The following PDE10A variants were observed in gnomAD, a reference collection of about 807,000 sequenced individuals.
PDE10A encodes phosphodiesterase 10A.
A neutral mutation model predicts 97.7 loss-of-function variants in PDE10A; 39 were observed. The ratio of observed to expected loss-of-function variants is 0.40; its 90% CI spans 0.31 to 0.52. The LOEUF (loss-of-function observed/expected upper bound fraction) is 0.52, where lower values mean the gene tolerates loss of function less well. Ranked by LOEUF, PDE10A falls within the 20% of genes least tolerant of loss-of-function variation. The probability of loss-of-function intolerance (pLI) is 0.56; values close to 1 mark genes in which losing one functional copy is unlikely to be tolerated. For missense variants in PDE10A, 731 were observed against 1,047.8 expected (o/e 0.70, Z 4.17); for synonymous variants, 371 against 376.8 (o/e 0.98, Z 0.18).
intron 18 of PDE10A, among the ~76,000 whole-genome samples, chr6:165,371,946 C>T (rs1784284569): frequency 1.3e-5 from 2 of 151,572 alleles, no homozygotes; most frequent in African/African-American, 4.9e-5. Flanking sequence ...TAAATGTAAT[C>T]CAGCATATAA....
chr6:165,527,496 G>A (rs1782516868), intron 2 of PDE10A, among the ~76,000 whole-genome samples: 1 of 152,130 alleles, frequency 6.6e-6, no homozygotes, highest in African/African-American at 2.4e-5. Context: ...TTGGAGCAAG[G>A]CCCTGCCATC....
At chr6:165,600,313 G>T (rs929863208) in intron 1 of PDE10A, among the ~76,000 whole-genome samples, 3 of 152,184 alleles carry the variant, frequency 2.0e-5, no homozygotes, top group Non-Finnish European at 1.5e-5. Flanking sequence ...GCCAGGGCAG[G>T]GCTCTGAAGG....
At position 165,931,025 on chromosome 6, in the gene PDE10A, G is replaced by A. The variant is rs574414983; in HGVS notation, c.-615+56504C>T. 1.7e-3 allele frequency among the ~76,000 whole-genome samples: 258 copies of A among 152,346 alleles called. 1 individual carries two copies. Among genetic ancestry groups the A allele is most frequent in the African/African-American group, 6.0e-3 (249 of 41,582 alleles). ...CGATGCCTGTTAGGAACCTTCTCATGCCCCTGCACCTCTGCGATATCAGAT... is the reference window on the plus strand; with the variant it reads ...CGATGCCTGTTAGGAACCTTCTCATACCCCTGCACCTCTGCGATATCAGAT... On this transcript the variant is annotated intron_variant, in intron 1 of 19. Coordinates refer to the PDE10A transcript ENST00000366882.
upstream of PDE10A, chr6:165,987,966 TGTGTGCGTGC>T (rs1311723044): frequency 5.2e-6 from 2 of 384,948 alleles, no homozygotes; most frequent in Non-Finnish European, 1.0e-5. Context: ...TGAGTGCTTG[TGTGTGCGTGC>T]GTGTGTGTGT....
chr6:165,412,834 C>T (rs1787982269), intron 13 of PDE10A, among the ~76,000 whole-genome samples: 1 of 152,088 alleles, frequency 6.6e-6, no homozygotes, highest in South Asian at 2.1e-4. Context: ...AAAATTTTCC[C>T]TAACCTCAGA....
At chr6:165,944,223 T>A (rs545385355) in intron 1 of PDE10A, among the ~76,000 whole-genome samples, 5 of 152,308 alleles carry the variant, frequency 3.3e-5, no homozygotes, top group Non-Finnish European at 7.4e-5. Context: ...ATAATTCAAT[T>A]ACCTCTCACT....
At chr6:165,443,260 G>A (rs902759668) in intron 5 of PDE10A, among the ~76,000 whole-genome samples, 1 of 152,046 alleles carries the variant, frequency 6.6e-6, no homozygotes, top group African/African-American at 2.4e-5. Flanking sequence ...ATTCCAAAAG[G>A]AAGAAACTGG....
At chr6:165,919,569 T>C (rs1441708191) in intron 1 of PDE10A, among the ~76,000 whole-genome samples, 1 of 152,244 alleles carries the variant, frequency 6.6e-6, no homozygotes, top group Non-Finnish European at 1.5e-5. Flanking sequence ...ATCCTCCTTC[T>C]TGTTCTTGCT....
chr6:165,346,500 G>A (rs114111767), intron 18 of PDE10A, among the ~76,000 whole-genome samples: 5 of 152,166 alleles, frequency 3.3e-5, no homozygotes, highest in African/African-American at 1.2e-4. Flanking sequence ...TATCACAGGG[G>A]TGCAGATATT....
At chr6:165,401,721 C>T (rs1786679491) in intron 13 of PDE10A, among the ~76,000 whole-genome samples, 1 of 152,074 alleles carries the variant, frequency 6.6e-6, no homozygotes, top group East Asian at 1.9e-4. Context: ...TGCGCAAGGC[C>T]CACTCTGTGA....
chr6:165,653,521 G>A (rs1394358184), intron 1 of PDE10A, among the ~76,000 whole-genome samples: 3 of 152,178 alleles, frequency 2.0e-5, no homozygotes, highest in African/African-American at 7.2e-5. Flanking sequence ...GAAGTGGAGA[G>A]AGACAGAGCA....
chr6:165,405,752 G>A (rs1017428157), intron 13 of PDE10A, among the ~76,000 whole-genome samples: 8 of 152,168 alleles, frequency 5.3e-5, no homozygotes, highest in Admixed American at 1.3e-4. Context: ...CACACATTGA[G>A]AACTCAAAAA....
intron 1 of PDE10A, among the ~76,000 whole-genome samples, chr6:165,587,986 C>T (rs776611729): frequency 5.3e-5 from 8 of 152,190 alleles, no homozygotes; most frequent in Non-Finnish European, 8.8e-5. Flanking sequence ...TTTGTTACCA[C>T]TCCAATAAAA....
intron 17 of PDE10A, among the ~76,000 whole-genome samples, chr6:165,382,704 A>AT (rs1471337031): frequency 1.0e-4 from 15 of 150,174 alleles, no homozygotes; most frequent in Non-Finnish European, 4.4e-5. Context: ...TACCCAATAC[A>AT]TGATAAAACG....
chr6:165,695,107 A>C (rs1430799770), intron 1 of PDE10A, among the ~76,000 whole-genome samples: 3 of 152,126 alleles, frequency 2.0e-5, no homozygotes, highest in Admixed American at 2.0e-4. Context: ...AAGACAAACA[A>C]TATGCATAAT....
At chr6:165,821,104 T>G (rs951051505) in intron 1 of PDE10A, among the ~76,000 whole-genome samples, 1 of 152,178 alleles carries the variant, frequency 6.6e-6, no homozygotes. Context: ...CAGCTAATAC[T>G]GTTGAGCAAA....
chr6:165,428,928 A>G (rs1377143328), intron 9 of PDE10A, among the ~76,000 whole-genome samples: 1 of 152,088 alleles, frequency 6.6e-6, no homozygotes, highest in East Asian at 1.9e-4. Flanking sequence ...TGAGGGCTCT[A>G]TAATTCCAGA....
intron 1 of PDE10A, chr6:165,774,831 CTTTTTTTTTTTTTTT>C (rs5881660): frequency 1.9e-5 from 2 of 107,886 alleles, no homozygotes; most frequent in Admixed American, 1.0e-4. Context: ...ACTTTTTTTT[CTTTTTTTTTTTTTTT>C]TTTTAGTTTT....
chr6:165,523,207 C>T (rs1782234117), intron 2 of PDE10A, among the ~76,000 whole-genome samples: 2 of 152,118 alleles, frequency 1.3e-5, no homozygotes, highest in African/African-American at 4.8e-5. Context: ...AAGTAATCTA[C>T]AGATTCAGTG....
Sources: allele counts gnomAD v4.1 joint callset (sites outside exome capture counted in the v4.1 genomes callset), GRCh38; gene constraint gnomAD v4.1.1; transcripts MANE v1.5; gene names NCBI Gene and HGNC (gene_info 2026-07-23, HGNC 2026-07-21).